The following ADAM2 variants were observed in gnomAD, a reference collection of about 807,000 sequenced individuals.
ADAM2 encodes ADAM metallopeptidase domain 2, also known as disintegrin and metalloproteinase domain-containing protein 2.
A neutral mutation model predicts 99.3 loss-of-function variants in ADAM2; 101 were observed. The ratio of observed to expected loss-of-function variants is 1.02; its 90% confidence interval spans 0.87 to 1.20. The LOEUF is 1.20. Ranked by LOEUF, ADAM2 falls within the 50% of genes most tolerant of loss-of-function variation. The probability of loss-of-function intolerance (pLI) is 0.00; values close to 1 mark genes in which losing one functional copy is unlikely to be tolerated. For synonymous variants in ADAM2, 323 were observed against 287.6 expected, an observed-to-expected ratio of 1.12 and a Z score of -1.25; for missense variants, 948 against 878.7, an observed-to-expected ratio of 1.08 and a Z score of -1.00.
At chr8:39,797,938 T>C (rs1388193990) in intron 7 of ADAM2, among the ~76,000 whole-genome samples, 1 of 152,250 alleles carries the variant, frequency 6.6e-6, no homozygotes, top group Non-Finnish European at 1.5e-5. Context: ...AAGAAGCTTT[T>C]GGGCTTAGAT....
Position 39,835,474 on chromosome 8 carries a change from GGAGATCGAGACCATCCT to G in ADAM2, c.133-1492_133-1476del, listed in dbSNP as rs1286544601. 4.3e-4 allele frequency among the ~76,000 whole-genome samples: 66 copies of G among 152,254 alleles called. No individual in the cohort carries two copies. In the East Asian group the frequency reaches 6.2e-3, roughly 14 times the overall value. ...CCGAGGCAGGTGGATCAGGAGGTCA[GGAGATCGAGACCATCCT>G]GACCAACGGTGAAACCCCGTCTCTA... On this transcript the variant is annotated intron_variant, in intron 2 of 20. Transcript: ENST00000265708.
chr8:39,770,792 T>C (rs1234205332), intron 11 of ADAM2, among the ~76,000 whole-genome samples: 2 of 152,188 alleles, frequency 1.3e-5, no homozygotes, highest in Non-Finnish European at 2.9e-5. Flanking sequence ...GGTTATCTTA[T>C]ATTTCTCACA....
At chr8:39,787,153 A>G in intron 9 of ADAM2, 98 bp from the exon 10 acceptor site, 1 of 642,776 alleles carries the variant, frequency 1.6e-6, no homozygotes, top group South Asian at 2.7e-5. Context: ...ATTAATATTT[A>G]CATCTAACAT....
chr8:39,796,861 C>A (rs1382797915), intron 7 of ADAM2, among the ~76,000 whole-genome samples: 1 of 152,086 alleles, frequency 6.6e-6, no homozygotes, highest in Non-Finnish European at 1.5e-5. Flanking sequence ...AGTGTCTGTT[C>A]ATATCCTTTG....
At chr8:39,837,238 T>C (rs368982920) in intron 1 of ADAM2, 26 bp from the exon 2 acceptor site, 183 of 1,519,640 alleles carry the variant, frequency 1.2e-4, no homozygotes, top group Middle Eastern at 1.0e-3. Context: ...AATGTTTTAT[T>C]AGAACAATGC....
chr8:39,792,481 C>G (rs1803761919), intron 7 of ADAM2, among the ~76,000 whole-genome samples: 1 of 152,022 alleles, frequency 6.6e-6, no homozygotes, highest in African/African-American at 2.4e-5. Context: ...CCCCTATTGT[C>G]CCTCTCTTTC....
At chr8:39,764,959 G>A (rs1802512488) in intron 14 of ADAM2, among the ~76,000 whole-genome samples, 1 of 151,924 alleles carries the variant, frequency 6.6e-6, no homozygotes, top group African/African-American at 2.4e-5. Context: ...GGAGGTGAAG[G>A]TTGCAGTAAG....
intron 7 of ADAM2, 48 bp from the exon 8 acceptor site, chr8:39,788,788 T>C (rs759142813): frequency 1.7e-5 from 17 of 986,342 alleles, no homozygotes; most frequent in Admixed American, 6.1e-5. Context: ...TTGCTTAACA[T>C]TTAATGATTG....
intron 10 of ADAM2, among the ~76,000 whole-genome samples, chr8:39,783,649 T>A (rs1803326420): frequency 6.6e-6 from 1 of 152,070 alleles, no homozygotes; most frequent in Admixed American, 6.6e-5. Context: ...ATATATGATG[T>A]TTGTCAATTA....
At chr8:39,808,304 A>T (rs998008548) in intron 7 of ADAM2, among the ~76,000 whole-genome samples, 1 of 152,118 alleles carries the variant, frequency 6.6e-6, no homozygotes, top group Admixed American at 6.6e-5. Flanking sequence ...ATGAACAATC[A>T]AAATGAAAAT....
At chr8:39,838,008 G>C (rs1805909157) in intron 1 of ADAM2, 123 bp downstream of exon 1, 2 of 1,057,044 alleles carry the variant, frequency 1.9e-6, no homozygotes, top group Admixed American at 4.1e-5. Flanking sequence ...GGATGAGCTT[G>C]GAATTGCTGA....
chr8:39,800,834 A>T (rs1005044968), intron 7 of ADAM2, among the ~76,000 whole-genome samples: 4 of 152,074 alleles, frequency 2.6e-5, no homozygotes, highest in African/African-American at 9.7e-5. Context: ...ATACTTGTGT[A>T]TGCTTCACGA....
intron 3 of ADAM2, among the ~76,000 whole-genome samples, chr8:39,832,119 T>C (rs1236525747): frequency 6.6e-6 from 1 of 152,186 alleles, no homozygotes; most frequent in Non-Finnish European, 1.5e-5. Flanking sequence ...TCTGGATCTC[T>C]TCTCAGGTTT....
At chr8:39,835,961 C>G (rs1805807016) in intron 2 of ADAM2, among the ~76,000 whole-genome samples, 1 of 151,996 alleles carries the variant, frequency 6.6e-6, no homozygotes, top group Non-Finnish European at 1.5e-5. Flanking sequence ...ATCCCTTGCA[C>G]TATTTTTTTG....
chr8:39,778,138 T>C lies in ADAM2; in HGVS notation c.892-977A>G, dbSNP rs535148128. 8.6e-5 allele frequency among the ~76,000 whole-genome samples: 13 copies of C among 151,402 alleles called. No individual in the cohort carries two copies. The South Asian group carries it at 1.0e-3, about 12-fold the overall frequency. ...TTATTATAGCACATTTTGATCACAC[T>C]ATAACATGAATTTTGGGAAAAATCC... On this transcript the variant is annotated intron_variant, in intron 10 of 20. Transcript: ENST00000265708.
chr8:39,800,927 A>G (rs1804181419), intron 7 of ADAM2, among the ~76,000 whole-genome samples: 1 of 152,066 alleles, frequency 6.6e-6, no homozygotes, highest in Non-Finnish European at 1.5e-5. Flanking sequence ...AATTCCTCTG[A>G]CCTTTTATCA....
intron 7 of ADAM2, among the ~76,000 whole-genome samples, chr8:39,806,844 T>G (rs183969502): frequency 9.9e-5 from 15 of 152,198 alleles, no homozygotes; most frequent in African/African-American, 2.7e-4. Flanking sequence ...ATTATATGAG[T>G]GAAAACACTG....
Position 39,769,556 on chromosome 8 carries a change from T to G in ADAM2, c.1048A>C (p.Ile350Leu). 4 of 1,613,262 alleles carry G rather than the reference T, an allele frequency of 2.5e-6. No homozygotes were observed. Among genetic ancestry groups the G allele is most frequent in the Non-Finnish European group, 2.5e-6 (3 of 1,179,334 alleles). ...TCTTCGAAGCTGCAGTTACTAAAGA[T>G]CTTCACACCACTGAAATGACTAAAG... ...PEAIHFSGVK[I>L]FSNCSFEDFA... is the part of the protein sequence containing the mutation. Residue 350 changes from isoleucine to leucine, a missense_variant, in exon 12 of 21, where the codon ATC (isoleucine) becomes CTC (leucine). Coordinates refer to ENST00000265708, the MANE Select transcript of ADAM2 (RefSeq NM_001464.5).
chr8:39,778,621 T>C lies in ADAM2; in HGVS notation c.892-1460A>G, dbSNP rs1803093648. Among the ~76,000 whole-genome samples, 3 of 152,136 alleles carry C rather than the reference T, an allele frequency of 2.0e-5. No individual in the cohort carries two copies. The South Asian group carries it at 6.2e-4, about 32-fold the overall frequency. On this transcript the variant is annotated intron_variant, in intron 10 of 20. Coordinates refer to ENST00000265708, the MANE Select transcript of ADAM2 (RefSeq NM_001464.5). ...ATACTCCATTTATCAAATTTCCACA[T>C]TTTAAATGTATCATCTGCTTTCAGA... is the stretch of plus-strand genomic sequence containing the variant.
Sources: allele counts gnomAD v4.1 joint callset (sites outside exome capture counted in the v4.1 genomes callset), GRCh38; gene constraint gnomAD v4.1.1; transcripts MANE v1.5; gene names NCBI Gene and HGNC (gene_info 2026-07-23, HGNC 2026-07-21).